The following POLA1 variants were observed in gnomAD, a reference collection of about 807,000 sequenced individuals.
POLA1 encodes the protein DNA polymerase alpha 1, catalytic subunit.
A neutral mutation model predicts 124.0 loss-of-function variants in POLA1; 15 were observed. The ratio of observed to expected loss-of-function variants is 0.12; its 90% CI spans 0.08 to 0.19. The LOEUF (loss-of-function observed/expected upper bound fraction) is 0.19. POLA1 is among the 10% of genes least tolerant of loss of function. POLA1 has a pLI of 1.00. For missense variants in POLA1, 886 were observed against 1,103.4 expected (o/e 0.80, Z 2.79); for synonymous variants, 408 against 389.4 (o/e 1.05, Z -0.56).
intron 36 of POLA1, among the ~76,000 whole-genome samples, chrX:24,982,098 T>TC (rs1232650987): frequency 9.1e-6 from 1 of 109,456 alleles, no homozygotes; most frequent in Non-Finnish European, 1.9e-5. Flanking sequence ...GCATTTAGTG[T>TC]CGTGTCTGCC....
chrX:24,699,493 C>G lies in POLA1; in HGVS notation c.112C>G (p.Gln38Glu), dbSNP rs1928267139. The G allele has an allele frequency of 1.7e-6, 2 of 1,183,543 alleles. No homozygotes were observed. The highest frequency in any genetic ancestry group is 3.6e-5 in the African/African-American group (2 of 56,238). ...AGAAAAAAAATCAAAGAAGGGGCGC[C>G]AAGAAGCCCTAGAAAGACTGAAAAA... ...RREKKSKKGR[Q>E]EALERLKKAK... Residue 38 changes from glutamine (Q) to glutamate (E), a missense_variant, in exon 2 of 37, where the codon CAA becomes GAA. Gln to Glu is a conservative substitution (Grantham distance 29). Around this residue, in one of 7 missense-constraint regions of POLA1, gnomAD observed 49 missense variants for 39.2 expected, o/e 1.25. Transcript: ENST00000379068.
At chrX:24,993,142 T>TA (rs2048554704) in intron 36 of POLA1, among the ~76,000 whole-genome samples, 1 of 112,515 alleles carries the variant, frequency 8.9e-6, no homozygotes, top group Non-Finnish European at 1.9e-5. Flanking sequence ...AAGAAAAGTT[T>TA]AAAAAGGAGA....
intron 36 of POLA1, among the ~76,000 whole-genome samples, chrX:24,985,381 T>G (rs754622106): frequency 6.2e-5 from 7 of 113,016 alleles, no homozygotes; most frequent in Non-Finnish European, 1.3e-4. Flanking sequence ...TTGCTAACCC[T>G]TACTCCATAA....
intron 35 of POLA1, among the ~76,000 whole-genome samples, chrX:24,921,822 A>G (rs1456788098): frequency 9.1e-6 from 1 of 110,442 alleles, no homozygotes; most frequent in Non-Finnish European, 1.9e-5. Flanking sequence ...TTTGTTTATC[A>G]CAGCACCAAG....
chrX:24,965,552 A>AAATG (rs2048212140), intron 36 of POLA1, among the ~76,000 whole-genome samples: 1 of 112,185 alleles, frequency 8.9e-6, no homozygotes. Flanking sequence ...GGTGGCTGAC[A>AAATG]AATGAATGAA....
At chrX:24,757,457 T>TTTTTTTTTTTTA (rs1932666252) in intron 26 of POLA1, among the ~76,000 whole-genome samples, 1 of 71,797 alleles carries the variant, frequency 1.4e-5, no homozygotes, top group African/African-American at 4.4e-5. Context: ...TTTTTTTTTT[T>TTTTTTTTTTTTA]GAGACAGAGT....
At position 24,726,062 on chromosome X, in the gene POLA1, C is replaced by T. The variant is rs1467670162; in HGVS notation, c.1392+7C>T. The stretch of plus-strand genomic sequence containing the variant: ...CTTGGAAGTTAAATACTCGGTAAGT[C>T]AAACAAAGAAAATTACTGGGTTTTG... On this transcript the variant is annotated splice_region_variant and intron_variant, in intron 13 of 36. Coordinates refer to ENST00000379068, the MANE Select transcript of POLA1 (RefSeq NM_001330360.2). 1.0e-5 allele frequency: 11 copies of T among 1,063,348 alleles called. No individual in the cohort carries two copies. Among genetic ancestry groups the T allele is most frequent in the Non-Finnish European group, 1.4e-5 (11 of 770,947 alleles). The allele number at this position is 1,063,348 out of a possible 1,213,427, so 87.6% of individuals were successfully genotyped here.
Position 24,902,867 on chromosome X carries a change from A to C in POLA1, c.4164+14745A>C, listed in dbSNP as rs756121506. Among the ~76,000 whole-genome samples, 7 of 112,669 alleles carry C rather than the reference A, an allele frequency of 6.2e-5. No homozygotes were observed. In the South Asian group the frequency reaches 2.6e-3, roughly 41 times the overall value. On this transcript the variant is annotated intron_variant, in intron 35 of 36. Coordinates refer to ENST00000379068, the MANE Select transcript of POLA1 (RefSeq NM_001330360.2). ...CAATGACATAGTTTTACACATCTTC[A>C]GTAGCTAAGAAATATATAAATATTA...
chrX:24,854,552 C>T (rs779252664), intron 34 of POLA1, among the ~76,000 whole-genome samples: 31 of 107,707 alleles, frequency 2.9e-4, no homozygotes, highest in Admixed American at 2.8e-3. Flanking sequence ...TACCCCAGGC[C>T]GGGTGTGGTG....
intron 34 of POLA1, among the ~76,000 whole-genome samples, chrX:24,868,281 G>A (rs746716380): frequency 1.8e-5 from 2 of 112,045 alleles, no homozygotes; most frequent in South Asian, 7.5e-4. Context: ...TTGGTTGTTT[G>A]GTAGAAGATT....
intron 36 of POLA1, among the ~76,000 whole-genome samples, chrX:24,952,237 T>C (rs767945586): frequency 4.3e-4 from 48 of 112,342 alleles, no homozygotes; most frequent in African/African-American, 1.6e-3. Flanking sequence ...CCTCAATTAG[T>C]AATTTTACTC....
At chrX:24,876,694 A>G (rs984663311) in intron 34 of POLA1, among the ~76,000 whole-genome samples, 8 of 105,839 alleles carry the variant, frequency 7.6e-5, no homozygotes, top group Non-Finnish European at 1.6e-4. Context: ...GGGGGGGGAT[A>G]GTGGTAGTGG....
chrX:24,986,279 A>G (rs974468904), intron 36 of POLA1, among the ~76,000 whole-genome samples: 1 of 111,930 alleles, frequency 8.9e-6, no homozygotes, highest in African/African-American at 3.2e-5. Context: ...AGGGTGGAGC[A>G]CTGCCACCCA....
intron 26 of POLA1, among the ~76,000 whole-genome samples, chrX:24,805,687 T>G (rs1034091173): frequency 3.6e-5 from 4 of 111,773 alleles, no homozygotes; most frequent in African/African-American, 1.3e-4. Context: ...GTTGGCAGAT[T>G]TTTGAAATGT....
At chrX:24,926,781 A>G (rs941199930) in intron 35 of POLA1, among the ~76,000 whole-genome samples, 58 of 108,733 alleles carry the variant, frequency 5.3e-4, no homozygotes, top group African/African-American at 1.9e-3. Flanking sequence ...CATATCCAGC[A>G]CTCCACTCTA....
At chrX:24,956,481 C>T (rs1267012802) in intron 36 of POLA1, among the ~76,000 whole-genome samples, 2 of 110,038 alleles carry the variant, frequency 1.8e-5, no homozygotes, top group East Asian at 5.7e-4. Context: ...GCAGCATTCC[C>T]AATCTGTTCT....
At chrX:24,908,312 T>A (rs2047396222) in intron 35 of POLA1, among the ~76,000 whole-genome samples, 2 of 109,923 alleles carry the variant, frequency 1.8e-5, no homozygotes, top group Admixed American at 9.7e-5. Context: ...TATGTATACA[T>A]GTGCCATGCT....
chrX:24,828,456 G>A (rs915977791), intron 32 of POLA1, among the ~76,000 whole-genome samples: 3 of 111,939 alleles, frequency 2.7e-5, no homozygotes, highest in Admixed American at 9.5e-5. Flanking sequence ...GCTCTAAAAG[G>A]CTATGAAAGA....
chrX:24,971,581 C>G (rs2048303275), intron 36 of POLA1, among the ~76,000 whole-genome samples: 1 of 112,167 alleles, frequency 8.9e-6, no homozygotes, highest in South Asian at 3.7e-4. Context: ...CCTGGCACTT[C>G]TACCTGGCTG....
Sources: allele counts gnomAD v4.1 joint callset (sites outside exome capture counted in the v4.1 genomes callset), GRCh38; gene constraint gnomAD v4.1.1; regional missense constraint gnomAD v4.1.1; transcripts MANE v1.5; gene names NCBI Gene and HGNC (gene_info 2026-07-23, HGNC 2026-07-21).